LARP1: variants seen among roughly 807,000 people sequenced by gnomAD.
The protein encoded by LARP1 is La ribonucleoprotein 1, translational regulator.
In LARP1, 36 loss-of-function variants were observed where a neutral mutation model predicts 122.7. That is an observed-to-expected ratio of 0.29 (90% CI 0.22 to 0.39). The LOEUF (loss-of-function observed/expected upper bound fraction) is 0.39. LARP1 is among the 10% of genes least tolerant of loss of function. LARP1 has a pLI of 1.00. For synonymous variants in LARP1, 539 were observed against 528.7 expected, an observed-to-expected ratio of 1.02 and a Z score of -0.27; for missense variants, 1,040 against 1,403.6, an observed-to-expected ratio of 0.74 and a Z score of 4.14.
chr5:154,695,482 C>A (rs1416884371), intron 1 of LARP1, among the ~76,000 whole-genome samples: 1 of 151,882 alleles, frequency 6.6e-6, no homozygotes, highest in East Asian at 1.9e-4. Context: ...CATGGTGAAA[C>A]CCCGTCTCTA....
chr5:154,727,479 G>A (rs1385320119), intron 1 of LARP1, among the ~76,000 whole-genome samples: 1 of 152,128 alleles, frequency 6.6e-6, no homozygotes, highest in Admixed American at 6.5e-5. Context: ...TGGTTACCAA[G>A]GTGTAGGGTA....
chr5:154,817,172 G>A lies in LARP1; in HGVS notation c.*3076G>A, dbSNP rs1759730431. 1 of 152,156 alleles carries A rather than the reference G, an allele frequency of 6.6e-6. No homozygotes were observed. 9.4% of individuals were successfully genotyped at this position (152,156 alleles called of 1,614,324 possible). A position where few individuals can be genotyped will look rare whatever the true frequency, so the allele number is the denominator to read the frequency against. On this transcript the variant is annotated 3_prime_UTR_variant, in exon 19 of 19. Coordinates refer to ENST00000518297, the MANE Select transcript of LARP1 (RefSeq NM_033551.3). Reference sequence around the variant, plus strand: ...TTTTGCCAAAAAGCCTGGGTAGAGTGATCTGAATTATCTGGCACCCTCCTG... The same window carrying A: ...TTTTGCCAAAAAGCCTGGGTAGAGTAATCTGAATTATCTGGCACCCTCCTG...
chr5:154,769,188 A>T (rs1755200541), intron 1 of LARP1, among the ~76,000 whole-genome samples: 1 of 152,186 alleles, frequency 6.6e-6, no homozygotes, highest in Non-Finnish European at 1.5e-5. Context: ...AATTATGTGA[A>T]TAAAGCTGTT....
In LARP1 at chr5:154,706,035, C is replaced by T. The variant is rs552594974; in HGVS notation, c.-180+22998C>T. Among the ~76,000 whole-genome samples, 665 of 152,150 alleles carry T rather than the reference C, an allele frequency of 4.4e-3. 3 individuals carry two copies. Among genetic ancestry groups the T allele is most frequent in the Non-Finnish European group, 7.3e-3 (496 of 67,996 alleles). On this transcript the variant is annotated intron_variant, in intron 1 of 18. Transcript: ENST00000687700. ...ATATGGCCGGGCGCGGTGGCTCACG[C>T]CTGTAATCCCAGCACTTTGGGAGGC...
intron 1 of LARP1, among the ~76,000 whole-genome samples, chr5:154,728,448 G>T (rs1756361013): frequency 6.6e-6 from 1 of 152,128 alleles, no homozygotes; most frequent in South Asian, 2.1e-4. Context: ...ATATTATGGG[G>T]CATCTGAGCC....
chr5:154,815,243 C>CTG lies in LARP1; in HGVS notation c.*1151_*1152dup, dbSNP rs1561643569. 1 of 152,510 alleles carries CTG rather than the reference C, an allele frequency of 6.6e-6. No homozygotes were observed. The highest frequency in any genetic ancestry group is 2.4e-5 in the African/African-American group (1 of 41,376). The allele number at this position is 152,510 out of a possible 1,614,324, so 9.4% of individuals were successfully genotyped here. ...TGTTGCATCGTTTGAAGCTGACGTC[C>CTG]TGTGTCTGTACACTGCTGCCACTGT... On this transcript the variant is annotated 3_prime_UTR_variant, in exon 19 of 19. Coordinates refer to ENST00000518297, the MANE Select transcript of LARP1 (RefSeq NM_033551.3).
At chr5:154,794,634 A>C (rs1757603681) in intron 7 of LARP1, among the ~76,000 whole-genome samples, 1 of 152,188 alleles carries the variant, frequency 6.6e-6, no homozygotes, top group African/African-American at 2.4e-5. Context: ...TTAGTCCTGC[A>C]GTTCTTATCT....
rs1440134032 is a variant in LARP1 at position 154,802,583 on chromosome 5, G to A, written c.2109+184G>A. Among the ~76,000 whole-genome samples, 8 of 152,290 alleles carry A rather than the reference G, an allele frequency of 5.3e-5. No homozygotes were observed. The South Asian group carries it at 1.5e-3, about 28-fold the overall frequency. ...GGGCATTAGGAGTGAGGGGTGATGTGTAAACACTGCAAACTCTTCAGGTGA... is the reference window on the plus strand; with the variant it reads ...GGGCATTAGGAGTGAGGGGTGATGTATAAACACTGCAAACTCTTCAGGTGA... On this transcript the variant is annotated intron_variant, in intron 11 of 18. Coordinates refer to ENST00000518297, the MANE Select transcript of LARP1 (RefSeq NM_033551.3). This position sits in a 1 kb window ranked among gnomAD's most constrained non-coding sequence, Gnocchi z 5.1.
chr5:154,796,038 ATATT>A (rs1223893314), intron 8 of LARP1, among the ~76,000 whole-genome samples: 4 of 114,484 alleles, frequency 3.5e-5, no homozygotes, highest in East Asian at 4.3e-4. Context: ...ATTTTTATAT[ATATT>A]ATATATTTAT....
chr5:154,787,556 GT>G (rs1756987725), intron 1 of LARP1, among the ~76,000 whole-genome samples: 1 of 152,182 alleles, frequency 6.6e-6, no homozygotes, highest in African/African-American at 2.4e-5. Context: ...GCCATTCTGG[GT>G]TTCCTTGAAG....
At chr5:154,751,713 C>T (rs989930957), upstream of LARP1, among the ~76,000 whole-genome samples, 2 of 152,136 alleles carry the variant, frequency 1.3e-5, no homozygotes, top group African/African-American at 4.8e-5. Context: ...AATTTTATTA[C>T]TGTCTATGGT....
At chr5:154,736,123 T>A (rs1199743846) in intron 1 of LARP1, among the ~76,000 whole-genome samples, 1 of 149,722 alleles carries the variant, frequency 6.7e-6, no homozygotes, top group East Asian at 2.0e-4. Context: ...TGAGATGGAG[T>A]CTTGCTTTTG....
Position 154,802,320 on chromosome 5 carries a change from A to G in LARP1, c.2030A>G (p.Lys677Arg). The G allele has an allele frequency of 6.2e-7, 1 of 1,614,212 alleles. No individual in the cohort carries two copies. Among genetic ancestry groups the G allele is most frequent in the Non-Finnish European group, 8.5e-7 (1 of 1,180,028 alleles). Residue 677 changes from lysine (K) to arginine (R), a missense_variant, in exon 11 of 19, where the codon AAG (lysine) becomes AGG (arginine). By Grantham distance (26) the Lys-to-Arg change is conservative (BLOSUM62 2). This residue lies in a region of LARP1 where 362 missense variants were observed against 533.1 expected (regional missense o/e 0.68). Coordinates refer to ENST00000518297, the MANE Select transcript of LARP1 (RefSeq NM_033551.3). The surrounding 1 kb of genome is among the most constrained non-coding windows in gnomAD (Gnocchi z 5.1). ...SRAKMSAELA[K>R]VINDGLFYYE... ...GCCAAGATGAGCGCCGAACTGGCCAAGGTCATTAATGATGGCCTCTTCTAC... is the reference window on the plus strand; with the variant it reads ...GCCAAGATGAGCGCCGAACTGGCCAGGGTCATTAATGATGGCCTCTTCTAC...
At chr5:154,710,140 G>A (rs751532851), upstream of LARP1, among the ~76,000 whole-genome samples, 14 of 152,196 alleles carry the variant, frequency 9.2e-5, 1 homozygote, top group South Asian at 4.1e-4. Context: ...GCTGCCCGCC[G>A]CTCACCTCCT....
Position 154,803,167 on chromosome 5 carries a change from G to C in LARP1, c.2110-123G>C. Reference sequence around the variant, plus strand: ...TGGGCAGCTGAGAGCCTGGGGACCAGAATTCCACGTATGTCGACGTGGGAG... The same window carrying C: ...TGGGCAGCTGAGAGCCTGGGGACCACAATTCCACGTATGTCGACGTGGGAG... On this transcript the variant is annotated intron_variant, in intron 11 of 18. Coordinates refer to ENST00000518297, the MANE Select transcript of LARP1 (RefSeq NM_033551.3). The surrounding 1 kb of genome is among the most constrained non-coding windows in gnomAD (Gnocchi z 4.4). 6 of 1,309,044 alleles carry C rather than the reference G, an allele frequency of 4.6e-6. No individual in the cohort carries two copies. Among genetic ancestry groups the C allele is most frequent in the Non-Finnish European group, 6.5e-6 (6 of 925,694 alleles). 81.1% of individuals were successfully genotyped at this position (1,309,044 alleles called of 1,614,324 possible).
chr5:154,793,488 A>G lies in LARP1; in HGVS notation c.740-107A>G, dbSNP rs1757498791. ...AAAGGGATCTGCCCAAGGTAACCAG[A>G]TTGTGATTTGGGCCCAAGTCCAGGG... On this transcript the variant is annotated intron_variant, in intron 4 of 18. Coordinates refer to ENST00000518297, the MANE Select transcript of LARP1 (RefSeq NM_033551.3). 3.6e-6 allele frequency: 5 copies of G among 1,401,556 alleles called. No homozygotes were observed. In the South Asian group the frequency reaches 4.9e-5, roughly 14 times the overall value. 86.8% of individuals were successfully genotyped at this position (1,401,556 alleles called of 1,614,324 possible). A position where few individuals can be genotyped will look rare whatever the true frequency, so the allele number is the denominator to read the frequency against.
Position 154,756,081 on chromosome 5 carries a change from C to T in LARP1, c.324C>T (p.Ala108=). 8.6e-7 allele frequency: 1 copy of T among 1,158,242 alleles called. No homozygotes were observed. 71.7% of individuals were successfully genotyped at this position (1,158,242 alleles called of 1,614,324 possible). ...EPGAGGGAAG[A]AGAGRRDFVE... The stretch of plus-strand genomic sequence containing the variant: ...GCGCTGGCGGAGGAGCTGCCGGAGC[C>T]GCGGGCGCGGGGCGCCGGGACTTCG... Residue 108 remains alanine, a synonymous_variant, in exon 1 of 19, where the codon GCC becomes GCT. Coordinates refer to ENST00000518297, the MANE Select transcript of LARP1 (RefSeq NM_033551.3).
At chr5:154,735,345 G>A (rs1756815733) in intron 1 of LARP1, among the ~76,000 whole-genome samples, 1 of 151,676 alleles carries the variant, frequency 6.6e-6, no homozygotes, top group African/African-American at 2.4e-5. Flanking sequence ...CCAGCTACTC[G>A]GGAGACTAAG....
chr5:154,780,159 T>G (rs906444983), intron 1 of LARP1, among the ~76,000 whole-genome samples: 5 of 152,072 alleles, frequency 3.3e-5, no homozygotes, highest in African/African-American at 1.2e-4. Flanking sequence ...TGTGGAATTT[T>G]CAGGCTACCA....
Sources: allele counts gnomAD v4.1 joint callset (sites outside exome capture counted in the v4.1 genomes callset), GRCh38; gene constraint gnomAD v4.1.1; regional missense constraint gnomAD v4.1.1; non-coding constraint Gnocchi (gnomAD v3.1); transcripts MANE v1.5; gene names NCBI Gene and HGNC (gene_info 2026-07-23, HGNC 2026-07-21).